The following PHF11 variants were observed in gnomAD, a reference collection of about 807,000 sequenced individuals.
PHF11 encodes BRCA1 C-terminus-associated protein.
In PHF11, 38 loss-of-function variants were observed where a neutral mutation model predicts 40.5. The observed-to-expected ratio is 0.94, with a 90% CI of 0.72 to 1.23. The LOEUF (loss-of-function observed/expected upper bound fraction) is 1.23. Among genes scored for constraint, PHF11 ranks in the 50% most tolerant of loss-of-function variants. PHF11 has a pLI of 0.00. For missense variants in PHF11, 369 were observed against 392.4 expected, an observed-to-expected ratio of 0.94 and a Z score of 0.50; for synonymous variants, 127 against 138.2, an observed-to-expected ratio of 0.92 and a Z score of 0.57.
chr13:49,503,485 G>A (rs1257490489), intron 1 of PHF11, among the ~76,000 whole-genome samples: 5 of 151,988 alleles, frequency 3.3e-5, no homozygotes, highest in Non-Finnish European at 4.4e-5. Flanking sequence ...ATTTCTTTAC[G>A]TCCTCTGCTC....
At chr13:49,511,290 T>C (rs1334364542) in intron 2 of PHF11, among the ~76,000 whole-genome samples, 1 of 152,070 alleles carries the variant, frequency 6.6e-6, no homozygotes, top group Non-Finnish European at 1.5e-5. Context: ...TTTGTGTCTT[T>C]ATTTAGGCCT....
chr13:49,500,827 C>G (rs771977351), intron 1 of PHF11, among the ~76,000 whole-genome samples: 1 of 152,158 alleles, frequency 6.6e-6, no homozygotes, highest in African/African-American at 2.4e-5. Flanking sequence ...GATGCCAAGA[C>G]TCTTGGAACC....
intron 7 of PHF11, 39 bp downstream of exon 7, chr13:49,523,280 A>C: frequency 7.3e-7 from 1 of 1,364,018 alleles, no homozygotes; most frequent in Non-Finnish European, 1.0e-6. Flanking sequence ...TATGGCCTAC[A>C]ATACTTATAA....
At chr13:49,520,593 A>G (rs1959183026) in intron 4 of PHF11, among the ~76,000 whole-genome samples, 1 of 152,220 alleles carries the variant, frequency 6.6e-6, no homozygotes, top group Admixed American at 6.5e-5. Context: ...ATCTTTATAC[A>G]GTAAAATCTC....
intron 2 of PHF11, among the ~76,000 whole-genome samples, chr13:49,509,557 C>T (rs1959056517): frequency 6.6e-6 from 1 of 152,102 alleles, no homozygotes; most frequent in South Asian, 2.1e-4. Context: ...TTGGCTGTGT[C>T]CCCACCCAAA....
At chr13:49,503,096 A>G (rs886966376) in intron 1 of PHF11, among the ~76,000 whole-genome samples, 1 of 152,132 alleles carries the variant, frequency 6.6e-6, no homozygotes, top group Non-Finnish European at 1.5e-5. Flanking sequence ...CAGCCTTTCA[A>G]CACGTTTCTC....
intron 4 of PHF11, among the ~76,000 whole-genome samples, chr13:49,519,764 T>C (rs1258535961): frequency 6.6e-6 from 1 of 152,164 alleles, no homozygotes; most frequent in African/African-American, 2.4e-5. Context: ...CACTGTTTTA[T>C]ATGTTTGAAA....
At chr13:49,521,497 T>G (rs1178538922) in intron 5 of PHF11, 8 of 986,116 alleles carry the variant, frequency 8.1e-6, no homozygotes, top group African/African-American at 7.0e-5. Context: ...AACTGCATTT[T>G]ATGGTGATAA....
At chr13:49,498,598 T>C (rs1958857223) in intron 1 of PHF11, among the ~76,000 whole-genome samples, 1 of 152,218 alleles carries the variant, frequency 6.6e-6, no homozygotes. Flanking sequence ...TTCAGGTAGA[T>C]CATTCTGACA....
At position 49,505,409 on chromosome 13, in the gene PHF11, T is replaced by C. The variant is rs1958974176; in HGVS notation, c.95-1226T>C. Reference sequence around the variant, plus strand: ...ACTTGGTGAAATGAAAGACCTAACTTAAAGAGACAGAGAAGAGATCTGGAT... The same window carrying C: ...ACTTGGTGAAATGAAAGACCTAACTCAAAGAGACAGAGAAGAGATCTGGAT... On this transcript the variant is annotated intron_variant, in intron 1 of 9. Coordinates refer to ENST00000378319, the MANE Select transcript of PHF11 (RefSeq NM_001040443.3). 3.3e-5 allele frequency among the ~76,000 whole-genome samples: 5 copies of C among 152,122 alleles called. No homozygotes were observed. In the South Asian group the frequency reaches 1.0e-3, roughly 31 times the overall value.
intron 7 of PHF11, 138 bp from the exon 8 acceptor site, chr13:49,523,947 A>T: frequency 2.0e-6 from 1 of 490,144 alleles, no homozygotes; most frequent in Non-Finnish European, 3.5e-6. Context: ...ATAATTAATA[A>T]AAAGGGTGAA....
intron 5 of PHF11, chr13:49,521,827 AT>A: frequency 3.2e-6 from 1 of 315,408 alleles, no homozygotes; most frequent in Non-Finnish European, 6.0e-6. Context: ...CCATGTGCCA[AT>A]TTTTCTACTC....
chr13:49,511,080 A>C (rs993158062), intron 2 of PHF11, among the ~76,000 whole-genome samples: 5 of 152,070 alleles, frequency 3.3e-5, no homozygotes, highest in Non-Finnish European at 5.9e-5. Context: ...CCTTTGTGTC[A>C]CTTCCTTTGC....
Position 49,526,369 on chromosome 13 carries a change from A to C in PHF11, c.770-18A>C, listed in dbSNP as rs975013171. The C allele has an allele frequency of 3.9e-6, 6 of 1,551,746 alleles. No homozygotes were observed. In the Admixed American group the frequency reaches 6.7e-5, roughly 17 times the overall value. On this transcript the variant is annotated intron_variant, in intron 8 of 9. Transcript: ENST00000378319. ...CTATACAAACTGTTTAATATTGAAA[A>C]TGTTTCTCTCCCTCCAGACTATGAA...
At chr13:49,518,435 ATG>A (rs1959171953) in intron 4 of PHF11, 1 of 170,246 alleles carries the variant, frequency 5.9e-6, no homozygotes, top group Non-Finnish European at 1.2e-5. Flanking sequence ...CATTCGTAAG[ATG>A]ATTTTTAAAA....
At chr13:49,509,716 T>C (rs1959058138) in intron 2 of PHF11, among the ~76,000 whole-genome samples, 1 of 151,892 alleles carries the variant, frequency 6.6e-6, no homozygotes, top group Non-Finnish European at 1.5e-5. Context: ...TAAAGAGGAG[T>C]TCCCCAAAAA....
intron 2 of PHF11, 146 bp from the exon 3 acceptor site, chr13:49,512,913 G>A: frequency 1.7e-6 from 1 of 583,200 alleles, no homozygotes; most frequent in Non-Finnish European, 3.1e-6. Context: ...CTTATGGTCT[G>A]CTCATCCACC....
At chr13:49,503,708 G>A (rs1958939719) in intron 1 of PHF11, among the ~76,000 whole-genome samples, 1 of 152,178 alleles carries the variant, frequency 6.6e-6, no homozygotes, top group Non-Finnish European at 1.5e-5. Flanking sequence ...AGCTTCACCT[G>A]TTTCTTTTTT....
At chr13:49,507,438 A>G (rs1004333210) in intron 2 of PHF11, among the ~76,000 whole-genome samples, 4 of 152,294 alleles carry the variant, frequency 2.6e-5, no homozygotes, top group Admixed American at 1.3e-4. Context: ...ATTGTTTTCT[A>G]TGACTAACAA....
Sources: allele counts gnomAD v4.1 joint callset (sites outside exome capture counted in the v4.1 genomes callset), GRCh38; gene constraint gnomAD v4.1.1; transcripts MANE v1.5; gene names NCBI Gene and HGNC (gene_info 2026-07-23, HGNC 2026-07-21).